Variants in SEMA3A observed in about 807,000 individuals in gnomAD.
The protein encoded by SEMA3A is semaphorin 3A, also known as semaphorin-3A.
Under a neutral mutation model 97.9 loss-of-function variants are expected in SEMA3A, and 29 were observed. The observed-to-expected ratio is 0.30, with a 90% CI of 0.22 to 0.40. The LOEUF is 0.40. Ranked by LOEUF, SEMA3A falls within the 10% of genes least tolerant of loss-of-function variation. The pLI is 1.00. For synonymous variants in SEMA3A, 321 were observed against 323.7 expected, an observed-to-expected ratio of 0.99 and a Z score of 0.09; for missense variants, 763 against 951.3, an observed-to-expected ratio of 0.80 and a Z score of 2.60.
chr7:84,169,258 A>G (rs1359407046), intron 1 of SEMA3A, among the ~76,000 whole-genome samples: 3 of 151,504 alleles, frequency 2.0e-5, no homozygotes, highest in Admixed American at 1.3e-4. Flanking sequence ...TTAAAAACCT[A>G]AAATGAATGG....
At chr7:84,408,037 A>G (rs970081865) in intron 1 of SEMA3A, among the ~76,000 whole-genome samples, 2 of 152,220 alleles carry the variant, frequency 1.3e-5, no homozygotes, top group Non-Finnish European at 2.9e-5. Context: ...GCCAAAATTG[A>G]CAAATGGGAT....
At chr7:84,160,691 A>T (rs1296878407) in intron 1 of SEMA3A, among the ~76,000 whole-genome samples, 1 of 152,068 alleles carries the variant, frequency 6.6e-6, no homozygotes, top group Non-Finnish European at 1.5e-5. Flanking sequence ...CAGCCTGGCC[A>T]ACATGGTGAA....
chr7:84,370,263 G>A (rs1802942379), intron 2 of SEMA3A, among the ~76,000 whole-genome samples: 1 of 151,594 alleles, frequency 6.6e-6, no homozygotes, highest in Non-Finnish European at 1.5e-5. Flanking sequence ...GGGATTTAAT[G>A]TGATAATATA....
At chr7:84,453,533 G>A (rs1488221101) in intron 1 of SEMA3A, among the ~76,000 whole-genome samples, 5 of 152,118 alleles carry the variant, frequency 3.3e-5, no homozygotes, top group African/African-American at 4.8e-5. Flanking sequence ...ACCGCGCCCG[G>A]CCGAGACTTT....
rs1794569996 is a variant in SEMA3A at position 84,091,167 on chromosome 7, G to GAAAGAAA, written c.453+19302_453+19303insTTTCTTT. 3.6e-3 allele frequency among the ~76,000 whole-genome samples: 154 copies of GAAAGAAA among 42,886 alleles called. 3 individuals carry two copies. Among genetic ancestry groups the GAAAGAAA allele is most frequent in the Admixed American group, 9.1e-3 (25 of 2,744 alleles). 28.1% of individuals were successfully genotyped at this position (42,886 alleles called of 152,430 possible). The stretch of plus-strand genomic sequence containing the variant: ...AGGAAGGAAGGAAGGAAGGAAGGAA[G>GAAAGAAA]GAAAGAAAGAAAGAAAGAAAGAAAG... On this transcript the variant is annotated intron_variant, in intron 4 of 16. Coordinates refer to ENST00000265362, the MANE Select transcript of SEMA3A (RefSeq NM_006080.3).
chr7:84,210,628 A>G (rs1016061975), intron 3 of SEMA3A, among the ~76,000 whole-genome samples: 6 of 152,226 alleles, frequency 3.9e-5, no homozygotes, highest in African/African-American at 1.4e-4. Flanking sequence ...CCATGGGCAG[A>G]TTTTCTTTTT....
chr7:84,366,241 TACA>T (rs892990719), intron 2 of SEMA3A, among the ~76,000 whole-genome samples: 59 of 151,432 alleles, frequency 3.9e-4, no homozygotes, highest in African/African-American at 1.4e-3. Context: ...AATGAAAACT[TACA>T]ACATCATATA....
chr7:84,258,024 C>T (rs521401), intron 3 of SEMA3A, among the ~76,000 whole-genome samples: 1 of 151,928 alleles, frequency 6.6e-6, no homozygotes, highest in African/African-American at 2.4e-5. Flanking sequence ...AAGACAAGAC[C>T]GAACAATGTC....
intron 2 of SEMA3A, among the ~76,000 whole-genome samples, chr7:84,332,122 G>T (rs1233814094): frequency 6.6e-6 from 1 of 152,024 alleles, no homozygotes; most frequent in Non-Finnish European, 1.5e-5. Flanking sequence ...ATACCCTTCA[G>T]AGAGAGTTCC....
chr7:84,066,038 C>T lies in SEMA3A; in HGVS notation c.454-5480G>A, dbSNP rs552028681. 3.6e-4 allele frequency among the ~76,000 whole-genome samples: 54 copies of T among 151,506 alleles called. No individual in the cohort carries two copies. The South Asian group carries it at 6.1e-3, about 17-fold the overall frequency. ...AATCCTCAATAAAATACTGGCAAAC[C>T]GAATCCAGCAGCACATCAAAAAGCT... On this transcript the variant is annotated intron_variant, in intron 4 of 16. Transcript: ENST00000265362.
chr7:84,223,746 C>T (rs138645290), intron 3 of SEMA3A, among the ~76,000 whole-genome samples: 2,067 of 151,708 alleles, frequency 0.014, 17 homozygotes, highest in Non-Finnish European at 0.021. Flanking sequence ...ATTAACATGA[C>T]ATGTAGAGAA....
At chr7:84,248,112 A>G (rs1474699345) in intron 3 of SEMA3A, among the ~76,000 whole-genome samples, 3 of 152,216 alleles carry the variant, frequency 2.0e-5, no homozygotes, top group Non-Finnish European at 4.4e-5. Context: ...TATTGCTTCA[A>G]TATAAAAACC....
intron 2 of SEMA3A, among the ~76,000 whole-genome samples, chr7:84,342,156 C>A (rs1802187494): frequency 6.6e-6 from 1 of 152,152 alleles, no homozygotes; most frequent in African/African-American, 2.4e-5. Flanking sequence ...CTGCCTCAGC[C>A]TCCCGAGTAA....
intron 4 of SEMA3A, among the ~76,000 whole-genome samples, chr7:84,091,120 AAAAG>A (rs1169228108): frequency 4.3e-5 from 3 of 69,378 alleles, no homozygotes; most frequent in Admixed American, 2.1e-4. Context: ...GAAAGAAAGA[AAAAG>A]AAAGAAAGAA....
intron 4 of SEMA3A, among the ~76,000 whole-genome samples, chr7:84,099,265 T>C (rs1794877772): frequency 1.6e-5 from 1 of 62,912 alleles, no homozygotes; most frequent in African/African-American, 3.4e-5. Flanking sequence ...AGAGACGGTG[T>C]TTCACCGTGT....
intron 1 of SEMA3A, among the ~76,000 whole-genome samples, chr7:84,160,251 A>G (rs560558190): frequency 6.6e-6 from 1 of 151,578 alleles, no homozygotes; most frequent in African/African-American, 2.4e-5. Context: ...CTATCTATCT[A>G]TCTATCTATC....
chr7:84,368,240 C>T (rs1413938120), intron 2 of SEMA3A, among the ~76,000 whole-genome samples: 1 of 151,116 alleles, frequency 6.6e-6, no homozygotes, highest in Non-Finnish European at 1.5e-5. Context: ...TCTTGCTTAA[C>T]AAAACAGTGA....
At chr7:83,973,565 C>T (rs543964054) in intron 15 of SEMA3A, among the ~76,000 whole-genome samples, 1 of 152,168 alleles carries the variant, frequency 6.6e-6, no homozygotes, top group African/African-American at 2.4e-5. Context: ...CTGGAAGAGG[C>T]TAAGACACAG....
intron 1 of SEMA3A, among the ~76,000 whole-genome samples, chr7:84,166,590 CG>C (rs1174164596): frequency 2.2e-5 from 3 of 137,450 alleles, no homozygotes; most frequent in South Asian, 2.4e-4. Context: ...AAAAAATTGC[CG>C]GGGGGGCGCA....
Sources: allele counts gnomAD v4.1 joint callset (sites outside exome capture counted in the v4.1 genomes callset), GRCh38; gene constraint gnomAD v4.1.1; transcripts MANE v1.5; gene names NCBI Gene and HGNC (gene_info 2026-07-23, HGNC 2026-07-21).